Variants in ZC3H12B observed in about 807,000 individuals in gnomAD.
ZC3H12B encodes the protein zinc finger CCCH-type containing 12B.
In ZC3H12B, 7 loss-of-function variants were observed where a neutral mutation model predicts 43.9. That is an observed-to-expected ratio of 0.16 (90% confidence interval 0.09 to 0.30). The LOEUF (loss-of-function observed/expected upper bound fraction) is 0.30, where lower values mean the gene tolerates loss of function less well. Ranked by LOEUF, ZC3H12B falls within the 10% of genes least tolerant of loss-of-function variation. The pLI, the probability that ZC3H12B is intolerant of heterozygous loss-of-function variation, is 1.00. For synonymous variants in ZC3H12B, 222 were observed against 241.7 expected, an observed-to-expected ratio of 0.92 and a Z score of 0.76; for missense variants, 475 against 670.2, an observed-to-expected ratio of 0.71 and a Z score of 3.22.
the ZC3H12B span, among the ~76,000 whole-genome samples, chrX:65,154,744 G>C: frequency 1.1e-4 from 12 of 111,184 alleles, no homozygotes; most frequent in Admixed American, 7.7e-4. Context: ...TATGAAGGAG[G>C]CTGAGGCAGA....
chrX:65,072,281 A>T, the ZC3H12B span, among the ~76,000 whole-genome samples: 1 of 112,269 alleles, frequency 8.9e-6, no homozygotes, highest in East Asian at 2.8e-4. Context: ...TTCTTGTAGC[A>T]TGTGTTTTCA....
the ZC3H12B span, among the ~76,000 whole-genome samples, chrX:65,257,386 A>G: frequency 1.4e-3 from 157 of 111,176 alleles, 1 homozygote; most frequent in African/African-American, 5.0e-3. Context: ...TCTCACTCAT[A>G]GGTGGGAATT....
intron 3 of ZC3H12B, among the ~76,000 whole-genome samples, chrX:65,475,322 C>A (rs1273085585): frequency 9.0e-6 from 1 of 111,449 alleles, no homozygotes; most frequent in Non-Finnish European, 1.9e-5. Context: ...ATAAATATTT[C>A]TTTGTAAGGC....
the ZC3H12B span, among the ~76,000 whole-genome samples, chrX:65,232,269 G>A: frequency 9.1e-6 from 1 of 110,425 alleles, no homozygotes; most frequent in African/African-American, 3.3e-5. Flanking sequence ...AATAACGTAG[G>A]ACAGGTGTGA....
chrX:65,253,068 AT>A, the ZC3H12B span, among the ~76,000 whole-genome samples: 2 of 112,182 alleles, frequency 1.8e-5, no homozygotes, highest in Non-Finnish European at 3.8e-5. Context: ...ATCCCCTCAC[AT>A]AAAAGTAAAA....
chrX:65,251,587 C>G, the ZC3H12B span, among the ~76,000 whole-genome samples: 1 of 111,361 alleles, frequency 9.0e-6, no homozygotes, highest in Non-Finnish European at 1.9e-5. Flanking sequence ...AATGTTTTTC[C>G]ATTTGTTTGT....
the ZC3H12B span, among the ~76,000 whole-genome samples, chrX:65,158,640 T>C: frequency 2.7e-5 from 3 of 111,661 alleles, no homozygotes; most frequent in East Asian, 8.4e-4. Context: ...TCTTGTAAAT[T>C]TGTTTGAGTT....
intron 2 of ZC3H12B, among the ~76,000 whole-genome samples, chrX:65,392,402 C>T (rs1014692700): frequency 7.1e-5 from 8 of 111,971 alleles, no homozygotes; most frequent in African/African-American, 9.7e-5. Context: ...AACTGAGGAG[C>T]GCCTCTGTCC....
intron 3 of ZC3H12B, among the ~76,000 whole-genome samples, chrX:65,466,948 A>G (rs1263807690): frequency 3.5e-5 from 2 of 57,960 alleles, no homozygotes; most frequent in African/African-American, 1.4e-4. Flanking sequence ...ATATATATAT[A>G]TATATATATA....
chrX:65,176,280 C>A, the ZC3H12B span, among the ~76,000 whole-genome samples: 7 of 111,713 alleles, frequency 6.3e-5, no homozygotes, highest in East Asian at 8.5e-4. Context: ...CCAGGAAGAT[C>A]GAACTGGGTG....
At chrX:65,289,532 G>A in the ZC3H12B span, among the ~76,000 whole-genome samples, 7 of 108,368 alleles carry the variant, frequency 6.5e-5, no homozygotes, top group East Asian at 2.0e-3. Context: ...ATATTATTAT[G>A]TATATATTTT....
chrX:65,303,331 C>T, the ZC3H12B span, among the ~76,000 whole-genome samples: 1 of 111,183 alleles, frequency 9.0e-6, no homozygotes, highest in Non-Finnish European at 1.9e-5. Context: ...ACCTATATAA[C>T]AAACCTGCAT....
chrX:65,111,589 A>G, the ZC3H12B span, among the ~76,000 whole-genome samples: 1 of 107,719 alleles, frequency 9.3e-6, no homozygotes. Context: ...GGTTTTGGCA[A>G]CTCTATGTCA....
chrX:65,130,177 G>A, the ZC3H12B span, among the ~76,000 whole-genome samples: 1 of 111,188 alleles, frequency 9.0e-6, no homozygotes, highest in African/African-American at 3.3e-5. Context: ...GGTTTTAAAA[G>A]ACCATTAGTC....
chrX:65,458,061 A>AT (rs2067657783), intron 3 of ZC3H12B, among the ~76,000 whole-genome samples: 1 of 70,422 alleles, frequency 1.4e-5, no homozygotes, highest in Non-Finnish European at 2.3e-5. Flanking sequence ...AGAATGATCA[A>AT]TAAAAAAAAA....
the ZC3H12B span, among the ~76,000 whole-genome samples, chrX:65,166,193 C>A: frequency 9.0e-6 from 1 of 110,666 alleles, no homozygotes; most frequent in East Asian, 2.8e-4. Flanking sequence ...TATCCCTCCC[C>A]CTCTTCCCAC....
At chrX:65,191,543 G>T in the ZC3H12B span, among the ~76,000 whole-genome samples, 1 of 101,384 alleles carries the variant, frequency 9.9e-6, no homozygotes, top group African/African-American at 4.6e-5. Flanking sequence ...TGTATGTGTC[G>T]AGTAATTTAT....
chrX:65,341,526 A>C, the ZC3H12B span, among the ~76,000 whole-genome samples: 1 of 111,834 alleles, frequency 8.9e-6, no homozygotes, highest in African/African-American at 3.2e-5. Context: ...CTGAAATCAT[A>C]CAAGCCAGAA....
the ZC3H12B span, among the ~76,000 whole-genome samples, chrX:65,149,978 C>G: frequency 9.1e-6 from 1 of 109,476 alleles, no homozygotes; most frequent in Admixed American, 9.8e-5. Flanking sequence ...TCCTTAAGTA[C>G]CTGACTTTAT....
Sources: gnomAD v4.1 joint callset for allele counts (sites outside exome capture counted in the v4.1 genomes callset) on GRCh38, gnomAD v4.1.1 for gene constraint, MANE v1.5 for transcripts, NCBI Gene and HGNC (gene_info 2026-07-23, HGNC 2026-07-21) for gene names.